Variants in STAP2 observed in about 807,000 individuals in gnomAD.
STAP2 encodes the protein signal transducing adaptor family member 2, also known as signal-transducing adaptor protein 2.
A neutral mutation model predicts 52.7 loss-of-function variants in STAP2; 58 were observed. The ratio of observed to expected loss-of-function variants is 1.10; its 90% CI spans 0.89 to 1.37. STAP2 has a LOEUF of 1.37. STAP2 is among the 40% of genes most tolerant of loss of function. The probability of loss-of-function intolerance (pLI) is 0.00; values close to 1 mark genes in which losing one functional copy is unlikely to be tolerated. For missense variants in STAP2, 522 were observed against 519.4 expected (o/e 1.00, Z -0.05); for synonymous variants, 231 against 210.5 (o/e 1.10, Z -0.84).
At chr19:4,336,414 T>C (rs1971981818) in intron 1 of STAP2, among the ~76,000 whole-genome samples, 4 of 140,434 alleles carry the variant, frequency 2.8e-5, no homozygotes. Context: ...CCCGCCCCAG[T>C]TCAAGCAATT....
chr19:4,331,444 A>G, intron 4 of STAP2, among the ~76,000 whole-genome samples: 1 of 152,120 alleles, frequency 6.6e-6, no homozygotes, highest in South Asian at 2.1e-4. Context: ...AGCCTGGCCA[A>G]CAGGGTGAAA....
At chr19:4,328,982 G>A (rs1328601126) in intron 5 of STAP2, 173 bp from the exon 6 acceptor site, 1 of 876,054 alleles carries the variant, frequency 1.1e-6, no homozygotes, top group Non-Finnish European at 1.6e-6. Flanking sequence ...GGCCTTCCAG[G>A]CTCCTAGTTT....
chr19:4,325,597 T>C, intron 9 of STAP2, 52 bp from the exon 10 acceptor site: 1 of 1,522,430 alleles, frequency 6.6e-7, no homozygotes, highest in East Asian at 2.3e-5. Context: ...AGGGACACCT[T>C]GCAGGTTGGC....
chr19:4,331,649 T>C (rs563777923), intron 4 of STAP2, among the ~76,000 whole-genome samples: 17 of 136,484 alleles, frequency 1.2e-4, no homozygotes, highest in Middle Eastern at 5.8e-3. Flanking sequence ...AAACAAAATT[T>C]TGGCCGGGCC....
In STAP2 at chr19:4,325,442, C is replaced by T. The variant is rs2144778516; in HGVS notation, c.933G>A (p.Val311=). The change falls in exon 10 of 13, where the codon GTG becomes GTA. Residue 311 remains valine (V), a synonymous_variant. Coordinates refer to ENST00000594605, the MANE Select transcript of STAP2 (RefSeq NM_001013841.2). ...PPLPNQEENY[V]TPIGDGPAVD... Reference sequence around the variant, plus strand: ...CAGCTGGGCCATCTCCAATGGGGGTCACGTAGTTCTCTTCCTGGTTCGGTA... The same window carrying T: ...CAGCTGGGCCATCTCCAATGGGGGTTACGTAGTTCTCTTCCTGGTTCGGTA... 2 of 1,614,088 alleles carry T rather than the reference C, an allele frequency of 1.2e-6. No individual in the cohort carries two copies. Among genetic ancestry groups the T allele is most frequent in the East Asian group, 2.2e-5 (1 of 44,886 alleles).
rs756709979 is a variant in STAP2 at position 4,328,690 on chromosome 19, C to G, written c.575G>C (p.Arg192Pro). ...GCATGCGCACCCGTTGTGCATCTGC[C>G]GCGTGGTGACCGACACGCCGTCGGC... ...DGADGVSVTT[R>P]QMHNGTHVVR... The change falls in exon 6 of 13, where the codon CGG becomes CCG. Residue 192 changes from arginine to proline, a missense_variant. Physicochemically the swap from Arg to Pro is moderately radical, Grantham distance 103. Coordinates refer to ENST00000594605, the MANE Select transcript of STAP2 (RefSeq NM_001013841.2). 1 of 1,602,898 alleles carries G rather than the reference C, an allele frequency of 6.2e-7. No individual in the cohort carries two copies. Among genetic ancestry groups the G allele is most frequent in the African/African-American group, 1.3e-5 (1 of 74,672 alleles).
intron 6 of STAP2, among the ~76,000 whole-genome samples, chr19:4,327,649 C>A (rs1971817146): frequency 6.6e-6 from 1 of 152,130 alleles, no homozygotes; most frequent in Non-Finnish European, 1.5e-5. Flanking sequence ...GAAGACCCCA[C>A]CTCTAGTCTT....
chr19:4,335,258 C>A (rs1215331146), intron 1 of STAP2, among the ~76,000 whole-genome samples: 1 of 151,814 alleles, frequency 6.6e-6, no homozygotes, highest in Non-Finnish European at 1.5e-5. Context: ...CATCATCCAT[C>A]CATGCATTCA....
intron 3 of STAP2, among the ~76,000 whole-genome samples, chr19:4,332,436 G>A (rs182808220): frequency 6.6e-6 from 1 of 151,558 alleles, no homozygotes; most frequent in Admixed American, 6.6e-5. Context: ...GAACTCCTGG[G>A]CCCAAGCTAT....
chr19:4,330,993 G>A (rs1009187069), intron 4 of STAP2, among the ~76,000 whole-genome samples: 2 of 151,828 alleles, frequency 1.3e-5, no homozygotes, highest in African/African-American at 2.4e-5. Flanking sequence ...GATTACAGGC[G>A]TGAGCCACCA....
rs151322217 is a variant in STAP2 at position 4,327,361 on chromosome 19, C to T, written c.615G>A (p.Lys205=). 6 of 1,613,990 alleles carry T rather than the reference C, an allele frequency of 3.7e-6. No individual in the cohort carries two copies. In the African/African-American group the frequency reaches 6.7e-5, roughly 18 times the overall value. The change falls in exon 7 of 13, where the codon AAG becomes AAA. Residue 205 remains lysine (K), a synonymous_variant. Coordinates refer to ENST00000594605, the MANE Select transcript of STAP2 (RefSeq NM_001013841.2). ...HNGTHVVRHY[K]VKREGPKYVI... is the part of the protein sequence containing the mutation. Reference sequence around the variant, plus strand: ...CGTACTTGGGGCCCTCCCGCTTCACCTTGTAATGCCGGACCACGTGCGTCC... The same window carrying T: ...CGTACTTGGGGCCCTCCCGCTTCACTTTGTAATGCCGGACCACGTGCGTCC...
chr19:4,332,008 G>A lies in STAP2; in HGVS notation c.354+14C>T. 2 of 1,610,616 alleles carry A rather than the reference G, an allele frequency of 1.2e-6. No homozygotes were observed. The highest frequency in any genetic ancestry group is 1.7e-6 in the Non-Finnish European group (2 of 1,178,750). On this transcript the variant is annotated intron_variant, in intron 4 of 12. Transcript: ENST00000594605. ...GAGAATGGGAGAGAGGGCGCAGAGA[G>A]CCACTACTCTTACCTCCACCACCGT...
rs143484969 is a variant in STAP2 at position 4,329,980 on chromosome 19, G to A, written c.436C>T (p.Arg146Cys). The change falls in exon 5 of 13, where the codon CGT becomes TGT. Residue 146 changes from arginine to cysteine, a missense_variant. Physicochemically the swap from Arg to Cys is radical, Grantham distance 180. Transcript: ENST00000594605. ...SEVLAKEEARRALETPSCFLK... is the reference protein window; with the variant it reads ...SEVLAKEEARCALETPSCFLK... The stretch of plus-strand genomic sequence containing the variant: ...ACTCACGAGGGTGTCTCCAGTGCAC[G>A]GCGCGCCTCCTCTTTGGCCAAGACT... 102 of 1,613,412 alleles carry A rather than the reference G, an allele frequency of 6.3e-5. No homozygotes were observed. Among genetic ancestry groups the A allele is most frequent in the Admixed American group, 1.3e-4 (8 of 59,982 alleles).
At chr19:4,325,769 A>AG in intron 9 of STAP2, among the ~76,000 whole-genome samples, 1 of 152,234 alleles carries the variant, frequency 6.6e-6, no homozygotes, top group Non-Finnish European at 1.5e-5. Flanking sequence ...TCAGGGGTTC[A>AG]AGACCAGCCT....
chr19:4,330,166 ACT>A (rs1231757279), intron 4 of STAP2, 105 bp from the exon 5 acceptor site: 1 of 813,390 alleles, frequency 1.2e-6, no homozygotes, highest in Non-Finnish European at 2.1e-6. Flanking sequence ...AGAGCAATGA[ACT>A]CTGACACCTT....
At chr19:4,336,635 T>G (rs1436764557) in intron 1 of STAP2, among the ~76,000 whole-genome samples, 1 of 149,582 alleles carries the variant, frequency 6.7e-6, no homozygotes, top group African/African-American at 2.5e-5. Flanking sequence ...CTTTTCTTTT[T>G]TTTTTCTTTT....
rs1281117487 is a variant in STAP2, at chr19:4,335,019, C to CATCCATCCACCT, written c.103-987_103-976dup. Among the ~76,000 whole-genome samples, 4 of 150,164 alleles carry CATCCATCCACCT rather than the reference C, an allele frequency of 2.7e-5. No individual in the cohort carries two copies. In the East Asian group the frequency reaches 8.0e-4, roughly 30 times the overall value. ...CCACCCACTCATCAATCCATCCACC[C>CATCCATCCACCT]ATCCATCCACCTATCCATCCATCCC... On this transcript the variant is annotated intron_variant, in intron 1 of 12. Transcript: ENST00000594605.
At position 4,325,246 on chromosome 19, in the gene STAP2, G is replaced by A. The variant is rs1348474270; in HGVS notation, c.1042C>T (p.Leu348Phe). 8 of 1,604,684 alleles carry A rather than the reference G, an allele frequency of 5.0e-6. No homozygotes were observed. In the Admixed American group the frequency reaches 5.1e-5, roughly 10 times the overall value. ...TTGGGTCCAACGGGTGGCTTTGGAA[G>A]CTTGGCAGGAGGCTTTGGCAACTTC... ...PKKLPKPPAK[L>F]PKPPVGPKPE... The change falls in exon 11 of 13, where the codon CTT (leucine) becomes TTT (phenylalanine). Residue 348 changes from leucine to phenylalanine, a missense_variant. Physicochemically the swap from Leu to Phe is conservative, Grantham distance 22. Coordinates refer to ENST00000594605, the MANE Select transcript of STAP2 (RefSeq NM_001013841.2).
Position 4,324,507 on chromosome 19 carries a change from G to A in STAP2, c.1095C>T (p.Gly365=). ...AACTGACTGGCAGCTTCCTGCCCAA[G>A]CCACCATTAAAGACTTTGGGCTCTG... ...PKPEPKVFNG[G]LGRKLPVSSA... Residue 365 remains glycine (G), a synonymous_variant, in exon 12 of 13, where the codon GGC becomes GGT. Transcript: ENST00000594605. The A allele has an allele frequency of 6.4e-7, 1 of 1,573,466 alleles. No individual in the cohort carries two copies. The highest frequency in any genetic ancestry group is 2.3e-5 in the East Asian group (1 of 43,398).
Sources: gnomAD v4.1 joint callset for allele counts (sites outside exome capture counted in the v4.1 genomes callset) on GRCh38, gnomAD v4.1.1 for gene constraint, MANE v1.5 for transcripts, NCBI Gene and HGNC (gene_info 2026-07-23, HGNC 2026-07-21) for gene names.